The following LUZP2 variants were observed in gnomAD, a reference collection of about 807,000 sequenced individuals.
LUZP2 encodes the protein leucine zipper protein 2.
A neutral mutation model predicts 51.6 loss-of-function variants in LUZP2; 52 were observed. That is an observed-to-expected ratio of 1.01 (90% CI 0.81 to 1.27). The LOEUF is 1.27. Among genes scored for constraint, LUZP2 ranks in the 50% most tolerant of loss-of-function variants. The pLI is 0.00. For synonymous variants in LUZP2, 154 were observed against 137.3 expected (o/e 1.12, Z -0.85); for missense variants, 436 against 395.4 (o/e 1.10, Z -0.87).
intron 1 of LUZP2, among the ~76,000 whole-genome samples, chr11:24,715,317 T>TGTG: frequency 1.0e-5 from 1 of 99,940 alleles, no homozygotes; most frequent in East Asian, 5.4e-4. Flanking sequence ...GCATGCGTAT[T>TGTG]TCTAAATATA....
At chr11:24,723,949 G>A (rs1411724729) in intron 1 of LUZP2, among the ~76,000 whole-genome samples, 1 of 152,104 alleles carries the variant, frequency 6.6e-6, no homozygotes, top group Non-Finnish European at 1.5e-5. Context: ...GACATTTGAT[G>A]TATATGATTT....
intron 10 of LUZP2, among the ~76,000 whole-genome samples, chr11:25,075,300 G>T (rs76743070): frequency 0.07 from 10,647 of 152,178 alleles, 541 homozygotes; most frequent in Non-Finnish European, 0.11. Flanking sequence ...GTCTTATAGT[G>T]ACAATCTCTC....
intron 5 of LUZP2, among the ~76,000 whole-genome samples, chr11:24,879,446 G>T (rs1354965272): frequency 6.6e-6 from 1 of 152,146 alleles, no homozygotes; most frequent in Non-Finnish European, 1.5e-5. Context: ...TAATGGGATT[G>T]CTGTGCCAAA....
chr11:24,539,386 A>G (rs57408560), intron 1 of LUZP2, among the ~76,000 whole-genome samples: 259 of 152,064 alleles, frequency 1.7e-3, no homozygotes, highest in African/African-American at 5.8e-3. Context: ...TCTCAAAATT[A>G]TTTTAGTTTT....
chr11:24,967,791 A>G (rs1396832933), intron 7 of LUZP2, among the ~76,000 whole-genome samples: 1 of 151,988 alleles, frequency 6.6e-6, no homozygotes, highest in African/African-American at 2.4e-5. Flanking sequence ...TCCTAATCCT[A>G]TTTTTAATAG....
chr11:25,025,449 GA>G (rs1456756284), intron 9 of LUZP2, among the ~76,000 whole-genome samples: 1 of 152,016 alleles, frequency 6.6e-6, no homozygotes, highest in Non-Finnish European at 1.5e-5. Context: ...AAATTTACAA[GA>G]AAAAATCAAA....
chr11:24,811,601 G>A (rs988016816), intron 5 of LUZP2, among the ~76,000 whole-genome samples: 3 of 151,834 alleles, frequency 2.0e-5, no homozygotes, highest in African/African-American at 7.3e-5. Context: ...TGTCGCTGAG[G>A]TAATAAACAT....
chr11:24,951,918 G>A (rs1261041832), intron 7 of LUZP2, among the ~76,000 whole-genome samples: 1 of 151,588 alleles, frequency 6.6e-6, no homozygotes, highest in Non-Finnish European at 1.5e-5. Context: ...TGGAGGATGA[G>A]GTCTCTATTT....
At chr11:24,731,576 A>G (rs1315083054) in intron 2 of LUZP2, among the ~76,000 whole-genome samples, 2 of 151,740 alleles carry the variant, frequency 1.3e-5, no homozygotes, top group South Asian at 2.1e-4. Context: ...TTTATTGTTA[A>G]TATTCTGTCT....
intron 1 of LUZP2, among the ~76,000 whole-genome samples, chr11:24,575,410 G>T (rs1852611195): frequency 6.6e-6 from 1 of 151,968 alleles, no homozygotes; most frequent in Admixed American, 6.6e-5. Flanking sequence ...AAATTATCTG[G>T]CATTTATAAC....
rs914687940 is a variant in LUZP2, at chr11:25,079,872, T to C, written c.*1214T>C. ...GATGGATCTGTCAAACCACAATATA[T>C]ACATTTGGATCAGTGTATCCTAGGA... is the stretch of plus-strand genomic sequence containing the variant. On this transcript the variant is annotated 3_prime_UTR_variant, in exon 12 of 12. Transcript: ENST00000336930. The C allele has an allele frequency of 6.6e-6, 1 of 152,110 alleles. No individual in the cohort carries two copies. Among genetic ancestry groups the C allele is most frequent in the African/African-American group, 2.4e-5 (1 of 41,432 alleles). The allele number at this position is 152,110 out of a possible 1,614,324, so 9.4% of individuals were successfully genotyped here. A position where few individuals can be genotyped will look rare whatever the true frequency, so the allele number is the denominator to read the frequency against.
chr11:25,039,263 G>A (rs1158213829), intron 9 of LUZP2, among the ~76,000 whole-genome samples: 1 of 152,100 alleles, frequency 6.6e-6, no homozygotes, highest in East Asian at 1.9e-4. Context: ...CTTGGGGTTG[G>A]GTTTTGGGTA....
rs1178814117 is a variant in LUZP2 at position 24,605,292 on chromosome 11, A to G, written c.62+107987A>G. On this transcript the variant is annotated intron_variant, in intron 1 of 11. Transcript: ENST00000336930. The stretch of plus-strand genomic sequence containing the variant: ...CTTTTTAAAAGTAAACATGTCCTCT[A>G]ATTAAACTCAAGAAATTAAATACAA... 4.6e-5 allele frequency among the ~76,000 whole-genome samples: 7 copies of G among 151,972 alleles called. No individual in the cohort carries two copies. The East Asian group carries it at 1.4e-3, about 29-fold the overall frequency.
At chr11:24,591,710 A>G (rs980544238) in intron 1 of LUZP2, among the ~76,000 whole-genome samples, 3 of 152,188 alleles carry the variant, frequency 2.0e-5, no homozygotes, top group Non-Finnish European at 4.4e-5. Flanking sequence ...CTGTTTTGCC[A>G]TCTGAAAAAT....
At chr11:24,662,672 C>A (rs1459689849) in intron 1 of LUZP2, among the ~76,000 whole-genome samples, 11 of 151,790 alleles carry the variant, frequency 7.2e-5, no homozygotes, top group Admixed American at 7.2e-4. Context: ...CACAGCTAAG[C>A]AAGATGATGA....
chr11:24,850,906 A>G (rs1440893562), intron 5 of LUZP2, among the ~76,000 whole-genome samples: 1 of 152,018 alleles, frequency 6.6e-6, no homozygotes, highest in Non-Finnish European at 1.5e-5. Context: ...TTCACTCATG[A>G]TTTGGCTCTC....
intron 1 of LUZP2, among the ~76,000 whole-genome samples, chr11:24,662,193 A>G (rs1459836328): frequency 6.6e-6 from 1 of 152,204 alleles, no homozygotes; most frequent in Non-Finnish European, 1.5e-5. Flanking sequence ...GGAGTTAGTA[A>G]GCAAATAAGA....
intron 9 of LUZP2, among the ~76,000 whole-genome samples, chr11:25,013,466 A>T (rs1249849459): frequency 6.6e-6 from 1 of 152,188 alleles, no homozygotes; most frequent in Admixed American, 6.6e-5. Context: ...GCAGGCCTAC[A>T]CTAGCTTACC....
intron 5 of LUZP2, among the ~76,000 whole-genome samples, chr11:24,815,433 A>C (rs918456197): frequency 2.0e-5 from 3 of 152,204 alleles, no homozygotes; most frequent in Non-Finnish European, 4.4e-5. Context: ...AAAAGTGGCT[A>C]TGGAATTGGA....
Sources: allele counts gnomAD v4.1 joint callset (sites outside exome capture counted in the v4.1 genomes callset), GRCh38; gene constraint gnomAD v4.1.1; transcripts MANE v1.5; gene names NCBI Gene and HGNC (gene_info 2026-07-23, HGNC 2026-07-21).